ANKS1B: variants seen among roughly 807,000 people sequenced by gnomAD.
ANKS1B encodes ankyrin repeat and sterile alpha motif domain-containing protein 1B.
Under a neutral mutation model 148.3 loss-of-function variants are expected in ANKS1B, and 36 were observed. That is an observed-to-expected ratio of 0.24 (90% CI 0.19 to 0.32). The LOEUF (loss-of-function observed/expected upper bound fraction) is 0.32. ANKS1B is among the 10% of genes least tolerant of loss of function. ANKS1B has a pLI of 1.00. For missense variants in ANKS1B, 1,157 were observed against 1,542.6 expected (o/e 0.75, Z 4.19); for synonymous variants, 542 against 560.8 (o/e 0.97, Z 0.47).
At chr12:99,844,735 T>C (rs1487419163) in intron 1 of ANKS1B, among the ~76,000 whole-genome samples, 6 of 152,104 alleles carry the variant, frequency 3.9e-5, no homozygotes, top group Admixed American at 1.3e-4. Context: ...TTTTGGTTCC[T>C]TGTGAATTTT....
intron 12 of ANKS1B, among the ~76,000 whole-genome samples, chr12:99,299,725 AT>A (rs2081358171): frequency 6.6e-6 from 1 of 152,212 alleles, no homozygotes; most frequent in African/African-American, 2.4e-5. Flanking sequence ...GCATACCCAT[AT>A]TTGGGAAATA....
At chr12:99,353,867 ATCCT>A (rs1487895612) in intron 12 of ANKS1B, among the ~76,000 whole-genome samples, 1 of 151,980 alleles carries the variant, frequency 6.6e-6, no homozygotes, top group Non-Finnish European at 1.5e-5. Flanking sequence ...TTTCTATGTA[ATCCT>A]ATCACTTTGA....
At chr12:99,614,685 A>T (rs138315083) in intron 9 of ANKS1B, among the ~76,000 whole-genome samples, 4 of 151,988 alleles carry the variant, frequency 2.6e-5, no homozygotes, top group African/African-American at 9.6e-5. Flanking sequence ...TATTTATGTG[A>T]TCTCTACTGT....
Position 98,773,138 on chromosome 12 carries a change from A to G in ANKS1B, c.3483T>C (p.Ala1161=), listed in dbSNP as rs1566303451. ...TTGAGAGGTCTTCTGGGTCCTGGGC[A>G]GCACAGGAGATATTACGAATTTCAT... is the stretch of plus-strand genomic sequence containing the variant. ...AEHEIRNISC[A]AQDPEDLSTF... Residue 1161 remains alanine, a synonymous_variant, in exon 25 of 27, where the codon GCT becomes GCC. Coordinates refer to ENST00000683438, the MANE Select transcript of ANKS1B (RefSeq NM_001352186.2). 1 of 1,611,716 alleles carries G rather than the reference A, an allele frequency of 6.2e-7. No homozygotes were observed. Among genetic ancestry groups the G allele is most frequent in the East Asian group, 2.2e-5 (1 of 44,854 alleles).
At chr12:98,738,486 C>T (rs755081885) in intron 9 of ANKS1B, among the ~76,000 whole-genome samples, 4 of 152,190 alleles carry the variant, frequency 2.6e-5, no homozygotes, top group Non-Finnish European at 5.9e-5. Context: ...AGCACACGTT[C>T]GCATTCATTC....
At chr12:98,883,786 G>A (rs1596211617) in intron 17 of ANKS1B, among the ~76,000 whole-genome samples, 1 of 152,282 alleles carries the variant, frequency 6.6e-6, no homozygotes, top group East Asian at 1.9e-4. Flanking sequence ...TATATATAAA[G>A]TGCATAGAAC....
intron 12 of ANKS1B, among the ~76,000 whole-genome samples, chr12:99,386,471 A>T (rs779046469): frequency 2.0e-5 from 3 of 152,156 alleles, no homozygotes; most frequent in Non-Finnish European, 2.9e-5. Context: ...GGGTGAAGAA[A>T]AAGTCAGTTA....
chr12:99,043,787 C>T lies in ANKS1B; in HGVS notation c.2778+9370G>A, dbSNP rs1014252699. Among the ~76,000 whole-genome samples, 12 of 152,346 alleles carry T rather than the reference C, an allele frequency of 7.9e-5. No homozygotes were observed. In the South Asian group the frequency reaches 1.9e-3, roughly 24 times the overall value. ...CTAATTATTTCTGTAATGGCTTATA[C>T]ACCATGATGGCTTATACGAATCTTA... is the stretch of plus-strand genomic sequence containing the variant. On this transcript the variant is annotated intron_variant, in intron 17 of 26. Coordinates refer to ENST00000683438, the MANE Select transcript of ANKS1B (RefSeq NM_001352186.2).
intron 17 of ANKS1B, among the ~76,000 whole-genome samples, chr12:98,967,566 C>T (rs976343215): frequency 7.1e-6 from 1 of 141,530 alleles, no homozygotes; most frequent in Non-Finnish European, 1.5e-5. Context: ...AGTGGTTTTC[C>T]TTTTGTTTAT....
At chr12:99,543,410 G>A (rs1005951216) in intron 9 of ANKS1B, among the ~76,000 whole-genome samples, 21 of 152,134 alleles carry the variant, frequency 1.4e-4, no homozygotes, top group East Asian at 3.9e-4. Flanking sequence ...AAAATAGTTC[G>A]GCAGTTCCTT....
intron 8 of ANKS1B, among the ~76,000 whole-genome samples, chr12:99,658,731 A>T (rs1358743947): frequency 1.3e-5 from 2 of 152,156 alleles, no homozygotes; most frequent in Non-Finnish European, 2.9e-5. Flanking sequence ...GGCTGTATGA[A>T]GATCAAATTA....
At chr12:99,095,429 C>T (rs961050923) in intron 15 of ANKS1B, among the ~76,000 whole-genome samples, 2 of 152,212 alleles carry the variant, frequency 1.3e-5, no homozygotes, top group East Asian at 3.8e-4. Context: ...TAAGAAAGGA[C>T]TCTCCTCAGG....
At chr12:99,553,223 A>G (rs919707800) in intron 9 of ANKS1B, among the ~76,000 whole-genome samples, 8 of 152,218 alleles carry the variant, frequency 5.3e-5, no homozygotes, top group Admixed American at 2.0e-4. Context: ...ATCAACAAAA[A>G]TTTAGCAAGG....
At chr12:98,852,320 A>G (rs1402536681) in intron 17 of ANKS1B, among the ~76,000 whole-genome samples, 3 of 152,144 alleles carry the variant, frequency 2.0e-5, no homozygotes, top group African/African-American at 7.2e-5. Context: ...AGAAATCTCT[A>G]GGCGGCAGAA....
At chr12:98,839,529 A>G (rs2099394256) in intron 17 of ANKS1B, among the ~76,000 whole-genome samples, 1 of 152,234 alleles carries the variant, frequency 6.6e-6, no homozygotes, top group African/African-American at 2.4e-5. Flanking sequence ...GCACAGAACT[A>G]AGGTACTAAC....
chr12:99,928,282 T>TTA (rs2094525368), intron 1 of ANKS1B, among the ~76,000 whole-genome samples: 2 of 104,352 alleles, frequency 1.9e-5, no homozygotes, highest in Non-Finnish European at 4.3e-5. Context: ...TTTTTTTTTT[T>TTA]TTTTTTTGAG....
At chr12:99,864,484 T>G (rs2090474956) in intron 1 of ANKS1B, among the ~76,000 whole-genome samples, 1 of 152,168 alleles carries the variant, frequency 6.6e-6, no homozygotes, top group South Asian at 2.1e-4. Context: ...CTTGCACATC[T>G]TGTGTCTTTA....
At chr12:99,224,670 A>C (rs1432572022) in intron 14 of ANKS1B, among the ~76,000 whole-genome samples, 1 of 152,208 alleles carries the variant, frequency 6.6e-6, no homozygotes, top group African/African-American at 2.4e-5. Context: ...TTCTGAAAAA[A>C]TTACGCAGTC....
intron 22 of ANKS1B, among the ~76,000 whole-genome samples, chr12:98,784,019 T>A (rs1289583654): frequency 6.6e-6 from 1 of 152,036 alleles, no homozygotes; most frequent in Non-Finnish European, 1.5e-5. Flanking sequence ...AACTGAGAGG[T>A]TCTGTTGATT....
Sources: gnomAD v4.1 joint callset for allele counts (sites outside exome capture counted in the v4.1 genomes callset) on GRCh38, gnomAD v4.1.1 for gene constraint, MANE v1.5 for transcripts, NCBI Gene and HGNC (gene_info 2026-07-23, HGNC 2026-07-21) for gene names.